Variants in UNC5D observed in about 807,000 individuals in gnomAD.
UNC5D encodes the protein unc-5 netrin receptor D, also known as netrin receptor UNC5D.
A neutral mutation model predicts 105.4 loss-of-function variants in UNC5D; 39 were observed. The ratio of observed to expected loss-of-function variants is 0.37; its 90% confidence interval spans 0.29 to 0.48. UNC5D has a LOEUF of 0.48. Ranked by LOEUF, UNC5D falls within the 20% of genes least tolerant of loss-of-function variation. UNC5D has a pLI of 0.98. For synonymous variants in UNC5D, 452 were observed against 450.4 expected (o/e 1.00, Z -0.04); for missense variants, 991 against 1,202.4 (o/e 0.82, Z 2.60).
intron 1 of UNC5D, among the ~76,000 whole-genome samples, chr8:35,303,050 A>G (rs999173558): frequency 6.6e-6 from 1 of 152,092 alleles, no homozygotes; most frequent in Non-Finnish European, 1.5e-5. Context: ...ATGTTATTCA[A>G]CTCAATTCAT....
At chr8:35,555,019 G>T (rs926935116) in intron 2 of UNC5D, among the ~76,000 whole-genome samples, 13 of 152,140 alleles carry the variant, frequency 8.5e-5, no homozygotes. Flanking sequence ...TGCTCTGCTG[G>T]TAATGGGGAT....
intron 11 of UNC5D, among the ~76,000 whole-genome samples, chr8:35,732,015 C>T (rs1829220485): frequency 6.6e-6 from 1 of 152,110 alleles, no homozygotes; most frequent in South Asian, 2.1e-4. Flanking sequence ...TTGTCTTCCT[C>T]CACACAAGAT....
At chr8:35,633,929 G>A (rs1284110895) in intron 4 of UNC5D, among the ~76,000 whole-genome samples, 1 of 152,204 alleles carries the variant, frequency 6.6e-6, no homozygotes, top group East Asian at 1.9e-4. Context: ...AAAGGAATGC[G>A]AAAGATATAA....
intron 1 of UNC5D, among the ~76,000 whole-genome samples, chr8:35,471,642 G>GT (rs1302387751): frequency 6.6e-6 from 1 of 152,052 alleles, no homozygotes; most frequent in Non-Finnish European, 1.5e-5. Flanking sequence ...TTTTCCTTGT[G>GT]TTTTTTCTTT....
Position 35,286,877 on chromosome 8 carries a change from TA to T in UNC5D, c.103+50991del, listed in dbSNP as rs112114715. On this transcript the variant is annotated intron_variant, in intron 1 of 16. Transcript: ENST00000404895. ...AGCCTGTCATACAGCCGTGCCCAAC[TA>T]CAGGTTCCAAACAACAGAGCCAGGG... is the stretch of plus-strand genomic sequence containing the variant. 1.5e-4 allele frequency among the ~76,000 whole-genome samples: 23 copies of T among 152,258 alleles called. 1 individual carries two copies. Among genetic ancestry groups the T allele is most frequent in the African/African-American group, 5.1e-4 (21 of 41,550 alleles).
rs1363338478 is a variant in UNC5D, at chr8:35,526,378, C to T, written c.104-22914C>T. Among the ~76,000 whole-genome samples the T allele has an allele frequency of 2.0e-5, 3 of 152,254 alleles. No individual in the cohort carries two copies. In the East Asian group the frequency reaches 5.8e-4, roughly 29 times the overall value. On this transcript the variant is annotated intron_variant, in intron 1 of 16. Coordinates refer to ENST00000404895, the MANE Select transcript of UNC5D (RefSeq NM_080872.4). ...TAGTGGGAACTCACCTCATCCATCT[C>T]GCCTGTTCTCCACACAGTCACTGCC...
In UNC5D at chr8:35,710,572, G is replaced by A. The variant is rs567605758; in HGVS notation, c.1117+4611G>A. Among the ~76,000 whole-genome samples, 18 of 152,234 alleles carry A rather than the reference G, an allele frequency of 1.2e-4. No individual in the cohort carries two copies. In the South Asian group the frequency reaches 3.1e-3, roughly 26 times the overall value. ...TAAATTTGGGGCTTGTCAGTGTCCC[G>A]ATGATATTTAAAGCCCTTAGGTTGG... is the stretch of plus-strand genomic sequence containing the variant. On this transcript the variant is annotated intron_variant, in intron 8 of 16. Coordinates refer to ENST00000404895, the MANE Select transcript of UNC5D (RefSeq NM_080872.4).
At chr8:35,265,930 G>A (rs1251372213) in intron 1 of UNC5D, among the ~76,000 whole-genome samples, 1 of 151,270 alleles carries the variant, frequency 6.6e-6, no homozygotes, top group Non-Finnish European at 1.5e-5. Context: ...GCATCAAAAT[G>A]TGTTAGAAAT....
intron 1 of UNC5D, among the ~76,000 whole-genome samples, chr8:35,262,605 C>T (rs1804568162): frequency 6.6e-6 from 1 of 152,176 alleles, no homozygotes; most frequent in South Asian, 2.1e-4. Flanking sequence ...TTTAGAAGGG[C>T]TTCATTGGAG....
At chr8:35,709,284 A>G (rs747687037) in intron 8 of UNC5D, among the ~76,000 whole-genome samples, 38 of 152,214 alleles carry the variant, frequency 2.5e-4, no homozygotes, top group Admixed American at 9.8e-4. Flanking sequence ...CAGAAAATGC[A>G]TAGTGCTGAA....
intron 2 of UNC5D, among the ~76,000 whole-genome samples, chr8:35,551,926 C>CTT (rs1356618590): frequency 6.6e-6 from 1 of 151,998 alleles, no homozygotes; most frequent in Non-Finnish European, 1.5e-5. Context: ...AGGTAAAACT[C>CTT]TATCAATAAA....
intron 1 of UNC5D, among the ~76,000 whole-genome samples, chr8:35,289,686 A>G (rs1174934439): frequency 6.6e-6 from 1 of 152,262 alleles, no homozygotes; most frequent in Non-Finnish European, 1.5e-5. Flanking sequence ...ATGAACTCAA[A>G]CAATTCAATA....
In UNC5D at chr8:35,324,623, G is replaced by T. The variant is rs367778263; in HGVS notation, c.103+88736G>T. Among the ~76,000 whole-genome samples, 17 of 151,966 alleles carry T rather than the reference G, an allele frequency of 1.1e-4. No individual in the cohort carries two copies. In the East Asian group the frequency reaches 2.7e-3, roughly 24 times the overall value. ...CTTAATGATTAAACTTGGTGTTTGC[G>T]GTTCCTGAATAAAAGACATATAGTC... is the stretch of plus-strand genomic sequence containing the variant. On this transcript the variant is annotated intron_variant, in intron 1 of 16. Transcript: ENST00000404895.
intron 1 of UNC5D, among the ~76,000 whole-genome samples, chr8:35,347,025 G>A (rs1366708873): frequency 6.6e-6 from 1 of 151,996 alleles, no homozygotes; most frequent in Non-Finnish European, 1.5e-5. Context: ...TTTAGTATAG[G>A]TTAATTGAAG....
intron 16 of UNC5D, among the ~76,000 whole-genome samples, chr8:35,774,690 G>A (rs376503744): frequency 1.3e-5 from 2 of 152,126 alleles, no homozygotes; most frequent in East Asian, 3.9e-4. Flanking sequence ...CCAGCACTTT[G>A]GGAGGCCGAG....
chr8:35,525,144 G>A, intron 1 of UNC5D: 1 of 1,606,250 alleles, frequency 6.2e-7, no homozygotes. Context: ...CTCCTTGGCT[G>A]GATGCTGGAA....
chr8:35,396,852 GT>G (rs1021298035), intron 1 of UNC5D, among the ~76,000 whole-genome samples: 1 of 149,292 alleles, frequency 6.7e-6, no homozygotes, highest in African/African-American at 2.5e-5. Flanking sequence ...GTGAAGTTTT[GT>G]TATATGTGTA....
chr8:35,672,034 T>TACTC (rs982515461), intron 4 of UNC5D, among the ~76,000 whole-genome samples: 2 of 152,196 alleles, frequency 1.3e-5, no homozygotes, highest in African/African-American at 2.4e-5. Context: ...ATTAGCCTTT[T>TACTC]ACTCACTGAC....
At chr8:35,285,868 C>G (rs1367765156) in intron 1 of UNC5D, among the ~76,000 whole-genome samples, 1 of 151,988 alleles carries the variant, frequency 6.6e-6, no homozygotes, top group Non-Finnish European at 1.5e-5. Context: ...ACTTTGTAGT[C>G]GAGTGAGGTG....
Sources: gnomAD v4.1 joint callset for allele counts (sites outside exome capture counted in the v4.1 genomes callset) on GRCh38, gnomAD v4.1.1 for gene constraint, MANE v1.5 for transcripts, NCBI Gene and HGNC (gene_info 2026-07-23, HGNC 2026-07-21) for gene names.